The following ITK variants were observed in gnomAD, a reference collection of about 807,000 sequenced individuals.
ITK encodes the protein tyrosine-protein kinase ITK/TSK.
In ITK, 45 loss-of-function variants were observed where a neutral mutation model predicts 87.6. The observed-to-expected ratio is 0.51, with a 90% CI of 0.40 to 0.66. The LOEUF (loss-of-function observed/expected upper bound fraction) is 0.66. ITK is among the 30% of genes least tolerant of loss of function. ITK has a pLI of 0.00. For missense variants in ITK, 605 were observed against 766.3 expected (o/e 0.79, Z 2.48); for synonymous variants, 303 against 273.6 (o/e 1.11, Z -1.06).
At chr5:157,199,108 A>G (rs373424932) in intron 1 of ITK, 14 of 152,118 alleles carry the variant, frequency 9.2e-5, no homozygotes, top group African/African-American at 3.4e-4. Flanking sequence ...CTCTTAATTA[A>G]CTTAATGATT....
chr5:157,212,375 C>A (rs899417875), intron 3 of ITK, among the ~76,000 whole-genome samples: 9 of 152,118 alleles, frequency 5.9e-5, no homozygotes, highest in African/African-American at 2.2e-4. Context: ...ATTCCTCTAT[C>A]TGAAAAAAAT....
rs550899735 is a variant in ITK at position 157,226,591 on chromosome 5, C to T, written c.648-1705C>T. Among the ~76,000 whole-genome samples, 9 of 152,214 alleles carry T rather than the reference C, an allele frequency of 5.9e-5. No homozygotes were observed. In the South Asian group the frequency reaches 1.7e-3, roughly 28 times the overall value. On this transcript the variant is annotated intron_variant, in intron 6 of 16. Coordinates refer to ENST00000422843, the MANE Select transcript of ITK (RefSeq NM_005546.4). ...AAGAAAGTATGCCATGATTGATTAG[C>T]AATGTCTGCCAGAGGAGTAAAATAT...
intron 1 of ITK, chr5:157,196,034 G>A (rs899491403): frequency 6.6e-6 from 1 of 152,294 alleles, no homozygotes; most frequent in Admixed American, 6.5e-5. Flanking sequence ...GTTATAAGTG[G>A]GGAGGAGGGT....
intron 7 of ITK, among the ~76,000 whole-genome samples, chr5:157,231,351 T>C (rs1387843919): frequency 1.3e-5 from 2 of 152,220 alleles, no homozygotes; most frequent in African/African-American, 4.8e-5. Context: ...GTGACAACCT[T>C]TTCAATGCAC....
At chr5:157,207,444 G>A (rs182819564) in intron 1 of ITK, among the ~76,000 whole-genome samples, 5 of 132,750 alleles carry the variant, frequency 3.8e-5, no homozygotes, top group South Asian at 2.5e-4. Flanking sequence ...GCAATGGTGC[G>A]GTCTCCACTC....
intron 5 of ITK, 143 bp from the exon 6 acceptor site, chr5:157,222,720 T>C (rs1754444204): frequency 1.3e-6 from 1 of 749,470 alleles, no homozygotes; most frequent in Non-Finnish European, 2.3e-6. Context: ...GATGTCTTTG[T>C]GTCATGTTCA....
At chr5:157,245,635 G>A in intron 13 of ITK, 91 bp from the exon 14 acceptor site, 1 of 1,019,320 alleles carries the variant, frequency 9.8e-7, no homozygotes. Context: ...CTGCAGTAAA[G>A]CAAAGGACTG....
At chr5:157,184,273 T>C (rs1193274716) in intron 1 of ITK, among the ~76,000 whole-genome samples, 1 of 152,196 alleles carries the variant, frequency 6.6e-6, no homozygotes. Context: ...CCCTGATTCA[T>C]AGTGTTTGCC....
chr5:157,194,371 A>T (rs954642856), intron 1 of ITK, among the ~76,000 whole-genome samples: 3 of 152,176 alleles, frequency 2.0e-5, no homozygotes, highest in Non-Finnish European at 4.4e-5. Flanking sequence ...ACAAGGAAAG[A>T]TGCTGTATCC....
chr5:157,249,861 A>G (rs1755106866), intron 16 of ITK, among the ~76,000 whole-genome samples: 1 of 152,234 alleles, frequency 6.6e-6, no homozygotes, highest in Non-Finnish European at 1.5e-5. Context: ...CATAAGGATT[A>G]GCTACAATAA....
At chr5:157,218,350 T>G (rs1488469701) in intron 5 of ITK, among the ~76,000 whole-genome samples, 1 of 151,582 alleles carries the variant, frequency 6.6e-6, no homozygotes, top group Non-Finnish European at 1.5e-5. Flanking sequence ...TAGAAAAAAT[T>G]TTTAAAAATT....
chr5:157,195,541 G>C (rs1280474639), intron 1 of ITK: 2 of 152,110 alleles, frequency 1.3e-5, no homozygotes, highest in Admixed American at 6.6e-5. Flanking sequence ...TAAAAAAACA[G>C]TTGCAAAATG....
chr5:157,240,282 C>A, intron 10 of ITK, 87 bp downstream of exon 10: 1 of 1,243,668 alleles, frequency 8.0e-7, no homozygotes, highest in South Asian at 1.2e-5. Flanking sequence ...GCTCTGCCTT[C>A]TGTCAGATCA....
intron 1 of ITK, among the ~76,000 whole-genome samples, chr5:157,194,133 T>C (rs34819260): frequency 0.01 from 1,567 of 152,262 alleles, 13 homozygotes; most frequent in African/African-American, 0.023. Context: ...GTGTGACCTG[T>C]CCTGATATCT....
At chr5:157,229,639 C>T (rs945899581) in intron 7 of ITK, among the ~76,000 whole-genome samples, 6 of 152,166 alleles carry the variant, frequency 3.9e-5, no homozygotes, top group Non-Finnish European at 7.3e-5. Flanking sequence ...AGAGGTCGGG[C>T]GCAGTGGCCC....
At position 157,214,339 on chromosome 5, in the gene ITK, C is replaced by G; in HGVS notation, c.454+20C>G. ...AGAATGGTAAGAGACTGGGAATTCC[C>G]TCTAGTTTTTGTGAAATGACCATAA... On this transcript the variant is annotated intron_variant, in intron 4 of 16. Transcript: ENST00000422843. The G allele has an allele frequency of 5.6e-6, 9 of 1,608,770 alleles. No individual in the cohort carries two copies. Among genetic ancestry groups the G allele is most frequent in the Non-Finnish European group, 7.7e-6 (9 of 1,175,146 alleles).
At chr5:157,190,907 G>A (rs1753740727) in intron 1 of ITK, among the ~76,000 whole-genome samples, 1 of 152,186 alleles carries the variant, frequency 6.6e-6, no homozygotes, top group Non-Finnish European at 1.5e-5. Flanking sequence ...AAGGAGTTTG[G>A]ATTTGATTCC....
intron 4 of ITK, among the ~76,000 whole-genome samples, chr5:157,215,633 T>C (rs1754283815): frequency 1.3e-5 from 2 of 152,220 alleles, no homozygotes; most frequent in South Asian, 4.1e-4. Context: ...GGCTTACCTC[T>C]GTGAGTGAAA....
At chr5:157,245,584 T>C in intron 13 of ITK, 142 bp from the exon 14 acceptor site, 1 of 733,422 alleles carries the variant, frequency 1.4e-6, no homozygotes. Flanking sequence ...TGAGGCTTAA[T>C]TAACATTTGT....
Sources: gnomAD v4.1 joint callset for allele counts (sites outside exome capture counted in the v4.1 genomes callset) on GRCh38, gnomAD v4.1.1 for gene constraint, MANE v1.5 for transcripts, NCBI Gene and HGNC (gene_info 2026-07-23, HGNC 2026-07-21) for gene names.